ZNF277: variants seen among roughly 807,000 people sequenced by gnomAD.
ZNF277 encodes the protein zinc finger protein 277.
A neutral mutation model predicts 60.7 loss-of-function variants in ZNF277; 55 were observed. The ratio of observed to expected loss-of-function variants is 0.91; its 90% CI spans 0.73 to 1.13. ZNF277 has a LOEUF of 1.13. Ranked by LOEUF, ZNF277 falls within the 50% of genes most tolerant of loss-of-function variation. ZNF277 has a pLI of 0.00. For missense variants in ZNF277, 510 were observed against 523.0 expected (o/e 0.98, Z 0.24); for synonymous variants, 178 against 179.3 (o/e 0.99, Z 0.06).
At chr7:112,300,573 T>C (rs1335417292) in intron 4 of ZNF277, among the ~76,000 whole-genome samples, 1 of 152,208 alleles carries the variant, frequency 6.6e-6, no homozygotes, top group Non-Finnish European at 1.5e-5. Context: ...GGCTTAAATG[T>C]TAGTGCTGGT....
intron 1 of ZNF277, among the ~76,000 whole-genome samples, chr7:112,264,577 A>T (rs1388752289): frequency 1.3e-5 from 2 of 152,172 alleles, no homozygotes; most frequent in African/African-American, 4.8e-5. Context: ...CATGGTGTGG[A>T]AAGTTATTTG....
intron 1 of ZNF277, among the ~76,000 whole-genome samples, chr7:112,258,209 G>A (rs1218466686): frequency 6.6e-6 from 1 of 152,038 alleles, no homozygotes; most frequent in East Asian, 1.9e-4. Context: ...TGCAAGGTAA[G>A]TGCATGAATT....
chr7:112,333,750 C>A (rs1418390232), intron 7 of ZNF277, among the ~76,000 whole-genome samples: 1 of 152,218 alleles, frequency 6.6e-6, no homozygotes, highest in Non-Finnish European at 1.5e-5. Context: ...TAGTAACAGA[C>A]TTGCAAAAAC....
intron 4 of ZNF277, among the ~76,000 whole-genome samples, chr7:112,305,894 G>T (rs879427817): frequency 4.6e-5 from 7 of 152,000 alleles, no homozygotes; most frequent in Admixed American, 6.6e-5. Context: ...AAGAGAAGAG[G>T]CTCATCAGCA....
In ZNF277 at chr7:112,249,324, A is replaced by G. The variant is rs143521832; in HGVS notation, c.92-37549A>G. 2.0e-5 allele frequency among the ~76,000 whole-genome samples: 3 copies of G among 152,338 alleles called. No homozygotes were observed. The South Asian group carries it at 6.2e-4, about 32-fold the overall frequency. ...AGGTCCAATGAACAAAATAAGTAAT[A>G]AAATATTGGCTTTAATACTCAAAAT... On this transcript the variant is annotated intron_variant, in intron 1 of 11. Coordinates refer to ENST00000361822, the MANE Select transcript of ZNF277 (RefSeq NM_021994.3).
At chr7:112,262,487 A>G (rs921898544) in intron 1 of ZNF277, among the ~76,000 whole-genome samples, 20 of 152,132 alleles carry the variant, frequency 1.3e-4, no homozygotes, top group African/African-American at 4.6e-4. Flanking sequence ...TCTGTTTGCC[A>G]TAGTTATTTA....
At chr7:112,286,353 G>A (rs1337562842) in intron 1 of ZNF277, among the ~76,000 whole-genome samples, 4 of 152,204 alleles carry the variant, frequency 2.6e-5, no homozygotes, top group Non-Finnish European at 4.4e-5. Context: ...CAGCGTGAGA[G>A]CTTTGTTCTT....
rs565107747 is a variant in ZNF277, at chr7:112,340,083, C to T, written c.1009+198C>T. Among the ~76,000 whole-genome samples the T allele has an allele frequency of 1.3e-4, 20 of 152,314 alleles. No individual in the cohort carries two copies. In the South Asian group the frequency reaches 4.1e-3, roughly 32 times the overall value. On this transcript the variant is annotated intron_variant, in intron 10 of 11. Coordinates refer to ENST00000361822, the MANE Select transcript of ZNF277 (RefSeq NM_021994.3). Reference sequence around the variant, plus strand: ...CAAATATGGTTTTTGGTTTCATATACTCCTTCTTTCTCTTTCCTACATATA... The same window carrying T: ...CAAATATGGTTTTTGGTTTCATATATTCCTTCTTTCTCTTTCCTACATATA...
chr7:112,342,951 CTT>C lies in ZNF277; in HGVS notation c.*224_*225del, dbSNP rs541957008. The C allele has an allele frequency of 1.3e-4, 43 of 320,508 alleles. No homozygotes were observed. The highest frequency in any genetic ancestry group is 2.0e-4 in the Non-Finnish European group (35 of 176,788). The allele number at this position is 320,508 out of a possible 1,614,324, so 19.9% of individuals were successfully genotyped here. A position where few individuals can be genotyped will look rare whatever the true frequency, so the allele number is the denominator to read the frequency against. On this transcript the variant is annotated 3_prime_UTR_variant, in exon 12 of 12. Coordinates refer to ENST00000361822, the MANE Select transcript of ZNF277 (RefSeq NM_021994.3). ...ATGAAGTAGGAAAATAAGATGAAGA[CTT>C]TGTATTTTGGCTGTAAAGTTTTATT...
At chr7:112,224,123 A>G (rs1175440199) in intron 1 of ZNF277, among the ~76,000 whole-genome samples, 1 of 152,202 alleles carries the variant, frequency 6.6e-6, no homozygotes, top group East Asian at 1.9e-4. Flanking sequence ...AGCGGGTAGT[A>G]TTAAAGAAAA....
At chr7:112,240,496 C>A (rs1790920859) in intron 1 of ZNF277, among the ~76,000 whole-genome samples, 1 of 152,266 alleles carries the variant, frequency 6.6e-6, no homozygotes, top group South Asian at 2.1e-4. Flanking sequence ...GTCACCATTA[C>A]ACATTGCATG....
intron 1 of ZNF277, among the ~76,000 whole-genome samples, chr7:112,276,299 T>C (rs1791792160): frequency 6.6e-6 from 1 of 152,224 alleles, no homozygotes; most frequent in Non-Finnish European, 1.5e-5. Flanking sequence ...AATATTTTGG[T>C]AGGATAGTTG....
chr7:112,254,660 A>T (rs914607493), intron 1 of ZNF277, among the ~76,000 whole-genome samples: 1 of 152,184 alleles, frequency 6.6e-6, no homozygotes, highest in East Asian at 1.9e-4. Flanking sequence ...ATCTGTTATT[A>T]ACAAGTGTAA....
chr7:112,333,619 T>TAG (rs1793272453), intron 7 of ZNF277, among the ~76,000 whole-genome samples: 1 of 152,142 alleles, frequency 6.6e-6, no homozygotes, highest in Non-Finnish European at 1.5e-5. Context: ...GCAGCAGAAG[T>TAG]AGGAGAGCAA....
In ZNF277 at chr7:112,343,590, A is replaced by G. The variant is rs1215883707; in HGVS notation, c.*861A>G. On this transcript the variant is annotated 3_prime_UTR_variant, in exon 12 of 12. Coordinates refer to ENST00000361822, the MANE Select transcript of ZNF277 (RefSeq NM_021994.3). ...GACAGAATATCACTTTTGTAGATTT[A>G]TACCAAAAATGCATAATTTGGATAT... 1.3e-5 allele frequency among the ~76,000 whole-genome samples: 2 copies of G among 152,174 alleles called. No homozygotes were observed. Among genetic ancestry groups the G allele is most frequent in the Non-Finnish European group, 2.9e-5 (2 of 68,044 alleles).
At chr7:112,292,972 A>G (rs1250792203) in intron 2 of ZNF277, among the ~76,000 whole-genome samples, 4 of 152,134 alleles carry the variant, frequency 2.6e-5, no homozygotes, top group Non-Finnish European at 5.9e-5. Flanking sequence ...TTTTTCTTAT[A>G]GTAATAACTG....
At chr7:112,250,392 T>C (rs1791177365) in intron 1 of ZNF277, among the ~76,000 whole-genome samples, 1 of 152,198 alleles carries the variant, frequency 6.6e-6, no homozygotes. Context: ...GATCTCGCCC[T>C]GCCTCCACTT....
At chr7:112,249,759 T>C (rs1240938827) in intron 1 of ZNF277, among the ~76,000 whole-genome samples, 3 of 152,184 alleles carry the variant, frequency 2.0e-5, no homozygotes, top group African/African-American at 4.8e-5. Context: ...TAAACATAAA[T>C]TGTAAAGATT....
chr7:112,294,954 A>G (rs1792291242), intron 2 of ZNF277, among the ~76,000 whole-genome samples: 1 of 152,162 alleles, frequency 6.6e-6, no homozygotes, highest in Non-Finnish European at 1.5e-5. Flanking sequence ...AAAATGTCCA[A>G]ATTTCTACTC....
Sources: gnomAD v4.1 joint callset for allele counts (sites outside exome capture counted in the v4.1 genomes callset) on GRCh38, gnomAD v4.1.1 for gene constraint, MANE v1.5 for transcripts, NCBI Gene and HGNC (gene_info 2026-07-23, HGNC 2026-07-21) for gene names.